C10orf67: variants seen among roughly 807,000 people sequenced by gnomAD.
The protein encoded by C10orf67 is chromosome 10 open reading frame 67.
C10orf67 carries 60 observed loss-of-function variants against 35.6 expected under a neutral mutation model. The observed-to-expected ratio is 1.68, with a 90% CI of 1.37 to 2.09. C10orf67 has a LOEUF of 2.09. Ranked by LOEUF, C10orf67 falls within the 30% of genes most tolerant of loss-of-function variation. C10orf67 has a pLI of 0.00. For missense variants in C10orf67, 474 were observed against 330.2 expected (o/e 1.44, Z -3.38); for synonymous variants, 167 against 115.8 (o/e 1.44, Z -2.84).
chr10:23,273,302 G>T (rs1403958837), intron 8 of C10orf67, among the ~76,000 whole-genome samples: 2 of 152,176 alleles, frequency 1.3e-5, no homozygotes, highest in Non-Finnish European at 2.9e-5. Context: ...TATCAACCAT[G>T]ATAATAGTGT....
At chr10:23,297,820 G>A (rs946900736) in intron 5 of C10orf67, among the ~76,000 whole-genome samples, 3 of 152,324 alleles carry the variant, frequency 2.0e-5, no homozygotes, top group Middle Eastern at 6.8e-3. Flanking sequence ...TAAGTAAACA[G>A]TTGTCTGACA....
At chr10:23,308,112 G>T (rs143394964) in intron 4 of C10orf67, among the ~76,000 whole-genome samples, 1 of 152,028 alleles carries the variant, frequency 6.6e-6, no homozygotes, top group Non-Finnish European at 1.5e-5. Context: ...TCCTTTCTGC[G>T]TCCCCTTATT....
chr10:23,250,590 C>T, intron 11 of C10orf67, 22 bp downstream of exon 11: 2 of 398,582 alleles, frequency 5.0e-6, no homozygotes, highest in Non-Finnish European at 8.9e-6. Context: ...ATTACCAGTG[C>T]CTTTTACTCT....
intron 6 of C10orf67, among the ~76,000 whole-genome samples, chr10:23,290,533 C>T (rs1449891234): frequency 2.0e-5 from 3 of 152,206 alleles, no homozygotes; most frequent in Non-Finnish European, 4.4e-5. Flanking sequence ...AGAGCAATCT[C>T]ACCTTGGTGA....
At chr10:23,254,449 A>G (rs1243717730) in intron 10 of C10orf67, among the ~76,000 whole-genome samples, 1 of 152,134 alleles carries the variant, frequency 6.6e-6, no homozygotes, top group Non-Finnish European at 1.5e-5. Context: ...ATCTCAGGTG[A>G]TCCACCCACC....
intron 15 of C10orf67, 22 bp from the exon 16 acceptor site, chr10:23,204,277 C>A: frequency 1.7e-6 from 1 of 604,890 alleles, no homozygotes. Flanking sequence ...GAAAGGTGGA[C>A]AGACATAAAC....
intron 12 of C10orf67, among the ~76,000 whole-genome samples, chr10:23,249,666 T>G (rs140523688): frequency 6.6e-6 from 1 of 152,222 alleles, no homozygotes; most frequent in African/African-American, 2.4e-5. Flanking sequence ...GTTTAAGAAA[T>G]ACAGTGCAAA....
At position 23,216,759 on chromosome 10, in the gene C10orf67, A is replaced by G. The variant is rs552402104; in HGVS notation, c.1570+6839T>C. Among the ~76,000 whole-genome samples, 21 of 152,286 alleles carry G rather than the reference A, an allele frequency of 1.4e-4. 1 individual carries two copies. The South Asian group carries it at 2.9e-3, about 21-fold the overall frequency. On this transcript the variant is annotated intron_variant, in intron 15 of 15. Transcript: ENST00000636213. The stretch of plus-strand genomic sequence containing the variant: ...ACCATCATGGATATAATGCTTGAAA[A>G]CATGCCAAATGATGTTATAAATTAT...
In C10orf67 at chr10:23,229,991, A is replaced by T. The variant is rs529335442; in HGVS notation, c.1435-6173T>A. Among the ~76,000 whole-genome samples the T allele has an allele frequency of 1.8e-4, 28 of 152,222 alleles. No homozygotes were observed. In the East Asian group the frequency reaches 5.2e-3, roughly 28 times the overall value. ...TTTTGTTTTGTTTTTTTCTGTGAATATTGACAATCCGATTCTAAAATTTAC... is the reference window on the plus strand; with the variant it reads ...TTTTGTTTTGTTTTTTTCTGTGAATTTTGACAATCCGATTCTAAAATTTAC... On this transcript the variant is annotated intron_variant, in intron 13 of 15. Coordinates refer to ENST00000636213, the MANE Select transcript of C10orf67 (RefSeq NM_001371909.1).
At chr10:23,279,012 G>A (rs918666305) in intron 8 of C10orf67, among the ~76,000 whole-genome samples, 2 of 152,142 alleles carry the variant, frequency 1.3e-5, no homozygotes, top group East Asian at 3.9e-4. Context: ...AACACTTTAG[G>A]AGGCTGAGGC....
intron 8 of C10orf67, among the ~76,000 whole-genome samples, chr10:23,281,415 A>G (rs1273922489): frequency 1.3e-5 from 2 of 152,148 alleles, no homozygotes; most frequent in Non-Finnish European, 2.9e-5. Context: ...TTTATTTTTT[A>G]TTATAATAAA....
chr10:23,269,951 A>T (rs376963825), intron 8 of C10orf67, among the ~76,000 whole-genome samples: 2 of 152,300 alleles, frequency 1.3e-5, no homozygotes, highest in East Asian at 3.9e-4. Flanking sequence ...GAAACAAAAA[A>T]ATTAAATACA....
intron 15 of C10orf67, among the ~76,000 whole-genome samples, chr10:23,210,140 A>G (rs1342792996): frequency 6.6e-6 from 1 of 152,032 alleles, no homozygotes; most frequent in Non-Finnish European, 1.5e-5. Context: ...GCAGTGCTAG[A>G]GGGCAATGAA....
At chr10:23,310,392 G>A (rs1020187118) in intron 4 of C10orf67, among the ~76,000 whole-genome samples, 2 of 152,168 alleles carry the variant, frequency 1.3e-5, no homozygotes, top group Admixed American at 6.5e-5. Context: ...TTTTATTTCT[G>A]CAATTTGAGA....
At chr10:23,213,489 G>A (rs189259614) in intron 15 of C10orf67, among the ~76,000 whole-genome samples, 5 of 152,174 alleles carry the variant, frequency 3.3e-5, no homozygotes, top group African/African-American at 9.6e-5. Context: ...GAGGCTCAAC[G>A]GTGGTGATAC....
intron 5 of C10orf67, among the ~76,000 whole-genome samples, chr10:23,299,225 A>G (rs1843990789): frequency 6.6e-6 from 1 of 152,050 alleles, no homozygotes; most frequent in African/African-American, 2.4e-5. Flanking sequence ...CTAAAATTGG[A>G]GTATTGCAGG....
chr10:23,312,575 TCA>T (rs1439618760), intron 4 of C10orf67, among the ~76,000 whole-genome samples: 1 of 152,188 alleles, frequency 6.6e-6, no homozygotes, highest in Non-Finnish European at 1.5e-5. Flanking sequence ...TATAGGAGTG[TCA>T]CTGCCTCTAG....
chr10:23,301,777 G>C (rs1196852325), intron 5 of C10orf67, among the ~76,000 whole-genome samples: 4 of 152,212 alleles, frequency 2.6e-5, no homozygotes, highest in African/African-American at 7.2e-5. Context: ...GGAATCTTGG[G>C]CCATGCAGTG....
At chr10:23,259,969 G>C (rs1842704496) in intron 10 of C10orf67, among the ~76,000 whole-genome samples, 1 of 152,088 alleles carries the variant, frequency 6.6e-6, no homozygotes, top group Non-Finnish European at 1.5e-5. Context: ...CGAAGGTAAA[G>C]ACATAATTGT....
Sources: allele counts gnomAD v4.1 joint callset (sites outside exome capture counted in the v4.1 genomes callset), GRCh38; gene constraint gnomAD v4.1.1; transcripts MANE v1.5; gene names NCBI Gene and HGNC (gene_info 2026-07-23, HGNC 2026-07-21).